TPD52L2: variants seen among roughly 807,000 people sequenced by gnomAD.
TPD52L2 encodes TPD52 like 2.
A neutral mutation model predicts 24.7 loss-of-function variants in TPD52L2; 19 were observed. The ratio of observed to expected loss-of-function variants is 0.77; its 90% CI spans 0.54 to 1.13. TPD52L2 has a LOEUF of 1.13. TPD52L2 is among the 50% of genes most tolerant of loss of function. The probability of loss-of-function intolerance (pLI) is 0.00; values close to 1 mark genes in which losing one functional copy is unlikely to be tolerated. For synonymous variants in TPD52L2, 104 were observed against 100.2 expected, an observed-to-expected ratio of 1.04 and a Z score of -0.23; for missense variants, 236 against 250.4, an observed-to-expected ratio of 0.94 and a Z score of 0.39.
chr20:63,890,241 C>T lies in TPD52L2; in HGVS notation c.*296C>T. 1 of 553,158 alleles carries T rather than the reference C, an allele frequency of 1.8e-6. No individual in the cohort carries two copies. The highest frequency in any genetic ancestry group is 3.1e-5 in the East Asian group (1 of 32,070). The allele number at this position is 553,158 out of a possible 1,614,324, so 34.3% of individuals were successfully genotyped here. Reference sequence around the variant, plus strand: ...GTTTGAAAGAATATTGAGCCAAAGCCCAGGCTCCCTTTGGGAATCATGTTA... The same window carrying T: ...GTTTGAAAGAATATTGAGCCAAAGCTCAGGCTCCCTTTGGGAATCATGTTA... On this transcript the variant is annotated 3_prime_UTR_variant, in exon 7 of 7. Transcript: ENST00000346249.
At position 63,882,618 on chromosome 20, in the gene TPD52L2, T is replaced by C; in HGVS notation, c.375-101T>C. On this transcript the variant is annotated intron_variant, in intron 4 of 6. Transcript: ENST00000346249. Reference sequence around the variant, plus strand: ...TGTCCACCCCTTGGCCCAGCTCCTTTCCTCAGTTTTCCTCGGGCGTGCTCC... The same window carrying C: ...TGTCCACCCCTTGGCCCAGCTCCTTCCCTCAGTTTTCCTCGGGCGTGCTCC... 8.6e-6 allele frequency: 8 copies of C among 933,712 alleles called. No homozygotes were observed. The South Asian group carries it at 1.1e-4, about 13-fold the overall frequency. The allele number at this position is 933,712 out of a possible 1,614,324, so 57.8% of individuals were successfully genotyped here.
intron 4 of TPD52L2, chr20:63,876,629 G>A (rs1005312282): frequency 2.6e-5 from 10 of 382,636 alleles, no homozygotes; most frequent in East Asian, 1.5e-4. Context: ...CGCTGTAATC[G>A]TTGCCACAGA....
chr20:63,872,456 C>T (rs1311786170), intron 2 of TPD52L2, among the ~76,000 whole-genome samples: 2 of 151,482 alleles, frequency 1.3e-5, no homozygotes, highest in Non-Finnish European at 2.9e-5. Flanking sequence ...CGGCTCACTG[C>T]AACCTCTGTC....
intron 4 of TPD52L2, among the ~76,000 whole-genome samples, chr20:63,882,193 C>G (rs559681571): frequency 6.6e-6 from 1 of 152,348 alleles, no homozygotes; most frequent in East Asian, 1.9e-4. Flanking sequence ...CGTGGTTGAG[C>G]TTGCATTTTC....
intron 2 of TPD52L2, among the ~76,000 whole-genome samples, chr20:63,873,005 G>A (rs1308908150): frequency 2.6e-5 from 4 of 151,442 alleles, no homozygotes; most frequent in Admixed American, 6.6e-5. Flanking sequence ...GCGCCACTGC[G>A]CCCGGCCGGT....
rs376499813 is a variant in TPD52L2, at chr20:63,889,745, C to T, written c.526-105C>T. The stretch of plus-strand genomic sequence containing the variant: ...CTCCCTGTCCCTGCTGAGCAGTGTT[C>T]GTGTTACATAAGCTTTTGTAGAGCA... On this transcript the variant is annotated intron_variant, in intron 6 of 6. Transcript: ENST00000346249. The T allele has an allele frequency of 3.4e-5, 37 of 1,081,934 alleles. No homozygotes were observed. The African/African-American group carries it at 4.2e-4, about 12-fold the overall frequency. 67.0% of individuals were successfully genotyped at this position (1,081,934 alleles called of 1,614,324 possible).
chr20:63,872,201 A>G (rs1210342020), intron 2 of TPD52L2, among the ~76,000 whole-genome samples: 1 of 152,128 alleles, frequency 6.6e-6, no homozygotes, highest in Non-Finnish European at 1.5e-5. Context: ...GACCTCAGGA[A>G]CACAAGTGTT....
chr20:63,881,371 AAAG>A (rs1308615544), intron 4 of TPD52L2, among the ~76,000 whole-genome samples: 2 of 151,322 alleles, frequency 1.3e-5, no homozygotes, highest in Admixed American at 6.6e-5. Context: ...AAAAAAAAAA[AAAG>A]AAAGAAAGTG....
intron 1 of TPD52L2, among the ~76,000 whole-genome samples, chr20:63,866,140 C>T (rs2052221276): frequency 6.6e-6 from 1 of 152,074 alleles, no homozygotes; most frequent in Non-Finnish European, 1.5e-5. Context: ...GAGTCTTGCT[C>T]TGACGCCAGG....
At chr20:63,887,440 G>A in intron 5 of TPD52L2, 1 of 1,076,082 alleles carries the variant, frequency 9.3e-7, no homozygotes, top group Non-Finnish European at 1.4e-6. Flanking sequence ...GGGGCAGGCA[G>A]CTCGCTCCAA....
chr20:63,876,696 T>C (rs762742522), intron 4 of TPD52L2: 2 of 445,902 alleles, frequency 4.5e-6, no homozygotes, highest in Non-Finnish European at 9.0e-6. Context: ...CTGCCGAGCT[T>C]GTCTTGAAGG....
intron 3 of TPD52L2, among the ~76,000 whole-genome samples, chr20:63,875,239 A>G (rs1007535288): frequency 1.3e-5 from 2 of 151,770 alleles, no homozygotes; most frequent in African/African-American, 4.8e-5. Context: ...ACGTGGTCCT[A>G]CATGACGACG....
chr20:63,875,362 A>T (rs1026482972), intron 3 of TPD52L2, among the ~76,000 whole-genome samples: 3 of 152,004 alleles, frequency 2.0e-5, no homozygotes, highest in African/African-American at 7.2e-5. Context: ...ATACCCTTCA[A>T]GGTTGGGGTG....
intron 5 of TPD52L2, chr20:63,888,036 A>AGGATTCTGT (rs2053197553): frequency 4.8e-6 from 1 of 206,710 alleles, no homozygotes; most frequent in Admixed American, 5.3e-5. Context: ...CCTGATTCTC[A>AGGATTCTGT]GGATTCTGTG....
intron 4 of TPD52L2, among the ~76,000 whole-genome samples, chr20:63,881,049 A>G (rs6062566): frequency 0.043 from 6,407 of 150,696 alleles, 305 homozygotes; most frequent in East Asian, 0.2. Context: ...CTCTGGGCTG[A>G]GCACGGTGGC....
intron 3 of TPD52L2, among the ~76,000 whole-genome samples, chr20:63,875,416 G>A (rs566311628): frequency 6.6e-6 from 1 of 152,320 alleles, no homozygotes; most frequent in South Asian, 2.1e-4. Flanking sequence ...TACAAAGACA[G>A]AACAGGTCAC....
chr20:63,882,896 G>A, intron 5 of TPD52L2, 76 bp downstream of exon 5: 2 of 1,185,212 alleles, frequency 1.7e-6, no homozygotes, highest in Non-Finnish European at 2.4e-6. Flanking sequence ...GCTACAGGAA[G>A]CCTGCCTGGA....
At position 63,877,235 on chromosome 20, in the gene TPD52L2, C is replaced by T. The variant is rs564394245; in HGVS notation, c.374+1360C>T. ...AGAGACAGGATTTCACCATGTCAGC[C>T]AGGATGGTCTCAATCTCCTGACCTC... On this transcript the variant is annotated intron_variant, in intron 4 of 6. Coordinates refer to ENST00000346249, the MANE Select transcript of TPD52L2 (RefSeq NM_003288.4). This position sits in a 1 kb window ranked among gnomAD's most constrained non-coding sequence, Gnocchi z 4.1. 1.1e-4 allele frequency: 39 copies of T among 339,190 alleles called. 2 individuals carry two copies. Among genetic ancestry groups the T allele is most frequent in the South Asian group, 8.5e-4 (38 of 44,574 alleles). 21.0% of individuals were successfully genotyped at this position (339,190 alleles called of 1,614,324 possible). A position where few individuals can be genotyped will look rare whatever the true frequency, so the allele number is the denominator to read the frequency against.
chr20:63,869,865 C>T (rs2052395007), intron 2 of TPD52L2, among the ~76,000 whole-genome samples: 1 of 152,208 alleles, frequency 6.6e-6, no homozygotes, highest in Admixed American at 6.5e-5. Flanking sequence ...TGGCTCATGC[C>T]TGTAATTCCA....
Sources: allele counts gnomAD v4.1 joint callset (sites outside exome capture counted in the v4.1 genomes callset), GRCh38; gene constraint gnomAD v4.1.1; non-coding constraint Gnocchi (gnomAD v3.1); transcripts MANE v1.5; gene names NCBI Gene and HGNC (gene_info 2026-07-23, HGNC 2026-07-21).